Variants in BRINP3 observed in about 807,000 individuals in gnomAD.
BRINP3 encodes BMP/retinoic acid-inducible neural-specific protein 3.
In BRINP3, 19 loss-of-function variants were observed where a neutral mutation model predicts 71.0. That is an observed-to-expected ratio of 0.27 (90% CI 0.19 to 0.39). BRINP3 has a LOEUF of 0.39. Among genes scored for constraint, BRINP3 ranks in the 10% least tolerant of loss-of-function variants. BRINP3 has a pLI of 1.00. For synonymous variants in BRINP3, 380 were observed against 337.7 expected (o/e 1.13, Z -1.37); for missense variants, 959 against 940.8 (o/e 1.02, Z -0.25).
At chr1:190,410,668 GA>G in intron 2 of BRINP3, among the ~76,000 whole-genome samples, 1 of 152,136 alleles carries the variant, frequency 6.6e-6, no homozygotes, top group South Asian at 2.1e-4. Context: ...CGTTTTAGAA[GA>G]AAAACTAATA....
intron 6 of BRINP3, among the ~76,000 whole-genome samples, chr1:190,194,963 G>A (rs1470824388): frequency 1.3e-5 from 2 of 151,946 alleles, no homozygotes; most frequent in Non-Finnish European, 2.9e-5. Context: ...GTTAAACTAT[G>A]TTTACAAGGT....
chr1:190,373,494 GTA>G (rs567742139), intron 2 of BRINP3, among the ~76,000 whole-genome samples: 1 of 150,832 alleles, frequency 6.6e-6, no homozygotes, highest in East Asian at 2.0e-4. Context: ...GTGTATATGT[GTA>G]TATATATACA....
At chr1:190,320,111 C>A (rs575676903) in intron 2 of BRINP3, among the ~76,000 whole-genome samples, 65 of 151,864 alleles carry the variant, frequency 4.3e-4, no homozygotes, top group African/African-American at 1.5e-3. Context: ...AATAATGAAA[C>A]AAATTTTAAC....
chr1:190,364,606 T>C (rs1482536498), intron 2 of BRINP3, among the ~76,000 whole-genome samples: 2 of 151,906 alleles, frequency 1.3e-5, no homozygotes, highest in Non-Finnish European at 2.9e-5. Context: ...TAACAAGCTA[T>C]ATTAAATATA....
chr1:190,433,256 T>C (rs1295019664), intron 2 of BRINP3, among the ~76,000 whole-genome samples: 1 of 152,194 alleles, frequency 6.6e-6, no homozygotes, highest in Non-Finnish European at 1.5e-5. Context: ...AGGAACCTTT[T>C]AAGAAGTATA....
chr1:190,421,289 C>CTTA (rs1434057029), intron 2 of BRINP3, among the ~76,000 whole-genome samples: 3 of 116,080 alleles, frequency 2.6e-5, no homozygotes, highest in Admixed American at 9.4e-5. Context: ...GAACAAGATT[C>CTTA]TCATTATTAT....
At chr1:190,319,621 G>GTT (rs1174176466) in intron 2 of BRINP3, among the ~76,000 whole-genome samples, 1 of 152,082 alleles carries the variant, frequency 6.6e-6, no homozygotes, top group Non-Finnish European at 1.5e-5. Flanking sequence ...GAGCCAGCAT[G>GTT]TCTTACATGG....
rs200647038 is a variant in BRINP3, at chr1:190,473,773, ATTTT to A, written c.-51+3671_-51+3674del. 1.1e-4 allele frequency among the ~76,000 whole-genome samples: 15 copies of A among 142,438 alleles called. 1 individual carries two copies. Among genetic ancestry groups the A allele is most frequent in the South Asian group, 4.4e-4 (2 of 4,568 alleles). The allele number at this position is 142,438 out of a possible 152,430, so 93.4% of individuals were successfully genotyped here. A position where few individuals can be genotyped will look rare whatever the true frequency, so the allele number is the denominator to read the frequency against. Reference sequence around the variant, plus strand: ...TGGGGAAGAAAACCCATAATTTTCTATTTTTTTTTTTTTTTCAGTTTTCCAACTG... The same window carrying A: ...TGGGGAAGAAAACCCATAATTTTCTATTTTTTTTTTTCAGTTTTCCAACTG... On this transcript the variant is annotated intron_variant, in intron 1 of 7. Coordinates refer to ENST00000367462, the MANE Select transcript of BRINP3 (RefSeq NM_199051.3).
chr1:190,263,384 G>T (rs1661360400), intron 4 of BRINP3, among the ~76,000 whole-genome samples: 1 of 152,050 alleles, frequency 6.6e-6, no homozygotes, highest in Non-Finnish European at 1.5e-5. Context: ...TGCATGATTT[G>T]TATCTACTGA....
intron 6 of BRINP3, among the ~76,000 whole-genome samples, chr1:190,193,052 A>C (rs994942977): frequency 6.6e-6 from 1 of 152,144 alleles, no homozygotes; most frequent in African/African-American, 2.4e-5. Flanking sequence ...GAATGACTCC[A>C]AGGCAATCCA....
intron 6 of BRINP3, among the ~76,000 whole-genome samples, chr1:190,188,503 T>C (rs1653738421): frequency 6.6e-6 from 1 of 152,304 alleles, no homozygotes; most frequent in Admixed American, 6.5e-5. Context: ...GGGATTGTCA[T>C]ATATAGCCTT....
intron 2 of BRINP3, chr1:190,302,707 G>C (rs533525573): frequency 1.3e-5 from 2 of 151,822 alleles, no homozygotes; most frequent in Non-Finnish European, 2.9e-5. Flanking sequence ...CTGCAGGTTA[G>C]TTTTGGGTTG....
intron 2 of BRINP3, among the ~76,000 whole-genome samples, chr1:190,371,974 A>G (rs1190880059): frequency 1.3e-5 from 2 of 152,150 alleles, no homozygotes; most frequent in Non-Finnish European, 2.9e-5. Context: ...CATCAATGTT[A>G]AAATGGCACA....
At chr1:190,183,420 T>A (rs2102543556) in intron 6 of BRINP3, among the ~76,000 whole-genome samples, 1 of 152,222 alleles carries the variant, frequency 6.6e-6, no homozygotes, top group East Asian at 1.9e-4. Flanking sequence ...GTAACTCATG[T>A]CTGACTCTGC....
At chr1:190,290,321 AC>A (rs1336669365) in intron 2 of BRINP3, among the ~76,000 whole-genome samples, 1 of 152,084 alleles carries the variant, frequency 6.6e-6, no homozygotes, top group African/African-American at 2.4e-5. Context: ...TAGTTGTGGT[AC>A]TCCAAGCATC....
chr1:190,436,173 C>T (rs1232533779), intron 2 of BRINP3, among the ~76,000 whole-genome samples: 2 of 151,736 alleles, frequency 1.3e-5, no homozygotes, highest in South Asian at 4.2e-4. Context: ...TAATTATATC[C>T]TATTTTTAAA....
chr1:190,361,259 G>C (rs1472268462), intron 2 of BRINP3, among the ~76,000 whole-genome samples: 1 of 152,010 alleles, frequency 6.6e-6, no homozygotes, highest in Non-Finnish European at 1.5e-5. Flanking sequence ...AATCAAGTAG[G>C]TTTTTGATGA....
chr1:190,171,416 C>T (rs2102497408), intron 6 of BRINP3, among the ~76,000 whole-genome samples: 1 of 152,204 alleles, frequency 6.6e-6, no homozygotes, highest in African/African-American at 2.4e-5. Flanking sequence ...ACTTGCTTGC[C>T]ACTACTCTCC....
At chr1:190,369,896 G>T (rs1337606347) in intron 2 of BRINP3, among the ~76,000 whole-genome samples, 2 of 151,932 alleles carry the variant, frequency 1.3e-5, no homozygotes, top group Admixed American at 1.3e-4. Context: ...TTAATAAAAA[G>T]GAACCTGAAT....
Sources: gnomAD v4.1 joint callset for allele counts (sites outside exome capture counted in the v4.1 genomes callset) on GRCh38, gnomAD v4.1.1 for gene constraint, MANE v1.5 for transcripts, NCBI Gene and HGNC (gene_info 2026-07-23, HGNC 2026-07-21) for gene names.